SEC23IP: variants seen among roughly 807,000 people sequenced by gnomAD.
SEC23IP encodes the protein SEC23 interacting protein.
Under a neutral mutation model 113.4 loss-of-function variants are expected in SEC23IP, and 70 were observed. The ratio of observed to expected loss-of-function variants is 0.62; its 90% CI spans 0.51 to 0.75. The LOEUF is 0.75. Ranked by LOEUF, SEC23IP falls within the 30% of genes least tolerant of loss-of-function variation. SEC23IP has a pLI of 0.00. For synonymous variants in SEC23IP, 398 were observed against 421.0 expected, an observed-to-expected ratio of 0.95 and a Z score of 0.67; for missense variants, 1,160 against 1,204.9, an observed-to-expected ratio of 0.96 and a Z score of 0.55.
At position 119,898,640 on chromosome 10, in the gene SEC23IP, C is replaced by T. The variant is rs1854367540; in HGVS notation, c.377C>T (p.Ser126Phe). 8 of 1,614,186 alleles carry T rather than the reference C, an allele frequency of 5.0e-6. No individual in the cohort carries two copies. The highest frequency in any genetic ancestry group is 1.3e-5 in the African/African-American group (1 of 75,044). Residue 126 changes from serine (S) to phenylalanine (F), a missense_variant, in exon 2 of 19, where the codon TCC (serine) becomes TTC (phenylalanine). By Grantham distance (155) the Ser-to-Phe change is radical. Transcript: ENST00000369075. ...PLTALPFTTG[S>F]QDVSNAFSPS... ...ACTGCTCTCCCTTTTACAACTGGAT[C>T]CCAAGATGTCTCGAATGCATTTTCA...
rs772364225 is a variant in SEC23IP, at chr10:119,892,777, G to A, written c.-6G>A. 1.2e-6 allele frequency: 2 copies of A among 1,603,330 alleles called. No homozygotes were observed. Among genetic ancestry groups the A allele is most frequent in the South Asian group, 2.2e-5 (2 of 89,636 alleles). ...GGAGACGTGTATCGGACGGTGGGCC[G>A]CAGCCATGGCCGAGAGAAAACCTAA... On this transcript the variant is annotated 5_prime_UTR_variant, in exon 1 of 19. Coordinates refer to ENST00000369075, the MANE Select transcript of SEC23IP (RefSeq NM_007190.4).
At chr10:119,895,462 C>A (rs1854246044) in intron 1 of SEC23IP, among the ~76,000 whole-genome samples, 1 of 152,196 alleles carries the variant, frequency 6.6e-6, no homozygotes, top group African/African-American at 2.4e-5. Context: ...GAGCAGACAG[C>A]CCTGCCCTCA....
In SEC23IP at chr10:119,918,451, C is replaced by T. The variant is rs769110267; in HGVS notation, c.1812C>T (p.Cys604=). Residue 604 remains cysteine (C), a synonymous_variant, in exon 10 of 19, where the codon TGC becomes TGT. Transcript: ENST00000369075. ...AAAAAGATTTGAATTTATCAAAGTG[C>T]CCTGGACCTCTTGCTGTTGCTAATG... The part of the protein sequence containing the change: ...SNQKDLNLSK[C]PGPLAVANGV... The T allele has an allele frequency of 3.7e-6, 6 of 1,613,540 alleles. No individual in the cohort carries two copies. The Admixed American group carries it at 8.3e-5, about 22-fold the overall frequency.
rs1854587956 is a variant in SEC23IP, at chr10:119,904,199, A to T, written c.1023A>T (p.Arg341Ser). 6.2e-7 allele frequency: 1 copy of T among 1,614,092 alleles called. No individual in the cohort carries two copies. Reference protein sequence around the residue: ...AYWEEEPAEVRRCTWFYKGDT... With the variant: ...AYWEEEPAEVSRCTWFYKGDT... The stretch of plus-strand genomic sequence containing the variant: ...GGGAAGAGGAGCCAGCCGAAGTGAG[A>T]CGCTGTACTTGGTTTTACAAGGGGG... The change falls in exon 4 of 19, where the codon AGA becomes AGT. Residue 341 changes from arginine to serine, a missense_variant. Arg to Ser is a moderately radical substitution (Grantham distance 110). Transcript: ENST00000369075.
chr10:119,898,803 C>T lies in SEC23IP; in HGVS notation c.540C>T (p.Tyr180=). 1 of 1,614,174 alleles carries T rather than the reference C, an allele frequency of 6.2e-7. No homozygotes were observed. The highest frequency in any genetic ancestry group is 1.3e-5 in the African/African-American group (1 of 75,050). ...CCCAAGGAATTCCCCAACCAGGATA[C>T]AATCCATATCGCCATACCCCTGGCA... ...NQPQGIPQPG[Y]NPYRHTPGSS... The change falls in exon 2 of 19, where the codon TAC becomes TAT. Residue 180 remains tyrosine, a synonymous_variant. Transcript: ENST00000369075.
chr10:119,932,730 C>A (rs1855648329), intron 16 of SEC23IP, among the ~76,000 whole-genome samples: 1 of 152,198 alleles, frequency 6.6e-6, no homozygotes, highest in Non-Finnish European at 1.5e-5. Context: ...ATGTTTTTGA[C>A]TTCTTCAGAT....
rs768958901 is a variant in SEC23IP at position 119,919,551 on chromosome 10, A to G, written c.1980A>G (p.Glu660=). ...CTCTGGAAGCACTTAGCCTCTCTGA[A>G]TATTTTAGCACTTTTGAAAAGGAAA... ...QETLEALSLS[E]YFSTFEKEKI... Residue 660 remains glutamate, a synonymous_variant, in exon 11 of 19, where the codon GAA becomes GAG. Coordinates refer to ENST00000369075, the MANE Select transcript of SEC23IP (RefSeq NM_007190.4). The G allele has an allele frequency of 3.0e-5, 49 of 1,613,580 alleles. No individual in the cohort carries two copies. Among genetic ancestry groups the G allele is most frequent in the Non-Finnish European group, 4.2e-5 (49 of 1,179,868 alleles).
At chr10:119,933,226 A>G in intron 17 of SEC23IP, 59 bp downstream of exon 17, 3 of 1,429,658 alleles carry the variant, frequency 2.1e-6, no homozygotes, top group Non-Finnish European at 2.0e-6. Flanking sequence ...CACGTGCAGC[A>G]ATTTTAGTTT....
At chr10:119,903,336 C>T (rs1854559108) in intron 3 of SEC23IP, among the ~76,000 whole-genome samples, 1 of 152,208 alleles carries the variant, frequency 6.6e-6, no homozygotes, top group African/African-American at 2.4e-5. Context: ...GTGGAACTCT[C>T]TATCCTGGAG....
Position 119,922,614 on chromosome 10 carries a change from T to TCA in SEC23IP, c.2121+1630_2121+1631insCA, listed in dbSNP as rs1213615901. Among the ~76,000 whole-genome samples, 23 of 152,226 alleles carry TCA rather than the reference T, an allele frequency of 1.5e-4. No homozygotes were observed. The East Asian group carries it at 4.4e-3, about 29-fold the overall frequency. On this transcript the variant is annotated intron_variant, in intron 12 of 18. Coordinates refer to ENST00000369075, the MANE Select transcript of SEC23IP (RefSeq NM_007190.4). ...AATCTTACATAGTAGTAATTGTAAT[T>TCA]GTACAGTGACTGAAAGAGAGATGAT...
chr10:119,908,666 T>C (rs183976596), intron 4 of SEC23IP, among the ~76,000 whole-genome samples: 1 of 152,294 alleles, frequency 6.6e-6, no homozygotes, highest in Admixed American at 6.5e-5. Context: ...TCTTTATAGC[T>C]TTCAGAGGAA....
Position 119,942,942 on chromosome 10 carries a change from A to G in SEC23IP, c.*2377A>G, listed in dbSNP as rs1161672980. On this transcript the variant is annotated 3_prime_UTR_variant, in exon 19 of 19. Coordinates refer to ENST00000369075, the MANE Select transcript of SEC23IP (RefSeq NM_007190.4). ...GATCTATATAGAACCCTGTACATGA[A>G]AAGGAGGAGATGCCGCTATCTTGGC... 1 of 152,202 alleles carries G rather than the reference A, an allele frequency of 6.6e-6. No homozygotes were observed. The highest frequency in any genetic ancestry group is 2.4e-5 in the African/African-American group (1 of 41,444). 9.4% of individuals were successfully genotyped at this position (152,202 alleles called of 1,614,324 possible). A position where few individuals can be genotyped will look rare whatever the true frequency, so the allele number is the denominator to read the frequency against.
intron 13 of SEC23IP, among the ~76,000 whole-genome samples, 172 bp from the exon 14 acceptor site, chr10:119,929,435 T>C (rs1855521511): frequency 1.3e-5 from 2 of 152,090 alleles, no homozygotes; most frequent in African/African-American, 4.8e-5. Context: ...AGGGTTTCAC[T>C]GTGTTAGCCA....
chr10:119,894,233 T>C (rs990408153), intron 1 of SEC23IP, among the ~76,000 whole-genome samples: 4 of 152,248 alleles, frequency 2.6e-5, no homozygotes, highest in African/African-American at 9.6e-5. Context: ...TATGACCTAA[T>C]TGCCTTTTTA....
chr10:119,892,798 C>T lies in SEC23IP; in HGVS notation c.16C>T (p.Pro6Ser). Residue 6 changes from proline to serine, a missense_variant, in exon 1 of 19, where the codon CCT becomes TCT. Transcript: ENST00000369075. MAERK[P>S]NGGSGGASTS... Reference sequence around the variant, plus strand: ...GGCCGCAGCCATGGCCGAGAGAAAACCTAACGGTGGCAGCGGCGGCGCCTC... The same window carrying T: ...GGCCGCAGCCATGGCCGAGAGAAAATCTAACGGTGGCAGCGGCGGCGCCTC... 6.2e-7 allele frequency: 1 copy of T among 1,611,460 alleles called. No homozygotes were observed. Among genetic ancestry groups the T allele is most frequent in the Non-Finnish European group, 8.5e-7 (1 of 1,178,822 alleles).
chr10:119,913,753 A>C (rs200101303), intron 6 of SEC23IP, among the ~76,000 whole-genome samples: 1 of 151,738 alleles, frequency 6.6e-6, no homozygotes, highest in East Asian at 2.0e-4. Flanking sequence ...CGGCCTCCTA[A>C]AGTTCTGGAA....
In SEC23IP at chr10:119,933,796, A is replaced by T; in HGVS notation, c.*20+9A>T. ...AACTTCAGTTTTACTGTGTGAGTTT[A>T]TCCTTATTGAATGTATAAATTCTGA... On this transcript the variant is annotated intron_variant, in intron 18 of 18. Coordinates refer to ENST00000369075, the MANE Select transcript of SEC23IP (RefSeq NM_007190.4). The T allele has an allele frequency of 8.1e-7, 1 of 1,229,234 alleles. No individual in the cohort carries two copies. Among genetic ancestry groups the T allele is most frequent in the East Asian group, 2.3e-5 (1 of 42,828 alleles). 76.1% of individuals were successfully genotyped at this position (1,229,234 alleles called of 1,614,324 possible).
At chr10:119,938,462 C>T (rs867385713) in intron 18 of SEC23IP, among the ~76,000 whole-genome samples, 8 of 152,222 alleles carry the variant, frequency 5.3e-5, no homozygotes, top group Middle Eastern at 3.4e-3. Context: ...GATGTTTAGT[C>T]CCCCACTTTT....
chr10:119,892,840 A>G lies in SEC23IP; in HGVS notation c.58A>G (p.Thr20Ala). 1.1e-5 allele frequency: 17 copies of G among 1,613,938 alleles called. No homozygotes were observed. The highest frequency in any genetic ancestry group is 1.4e-5 in the Non-Finnish European group (17 of 1,179,948). The change falls in exon 1 of 19, where the codon ACT becomes GCT. Residue 20 changes from threonine to alanine, a missense_variant. Transcript: ENST00000369075. ...SGGASTSSSG[T>A]NLLFSSSATE... is the part of the protein sequence containing the mutation. ...CGGCGCCTCCACTTCCTCATCGGGCACTAACTTACTTTTCTCCTCCTCGGC... is the reference window on the plus strand; with the variant it reads ...CGGCGCCTCCACTTCCTCATCGGGCGCTAACTTACTTTTCTCCTCCTCGGC...
Sources: gnomAD v4.1 joint callset for allele counts (sites outside exome capture counted in the v4.1 genomes callset) on GRCh38, gnomAD v4.1.1 for gene constraint, MANE v1.5 for transcripts, NCBI Gene and HGNC (gene_info 2026-07-23, HGNC 2026-07-21) for gene names.